DPYSL2: variants seen among roughly 807,000 people sequenced by gnomAD.
DPYSL2 encodes dihydropyrimidinase-related protein 2.
DPYSL2 carries 13 observed loss-of-function variants against 69.9 expected under a neutral mutation model. The observed-to-expected ratio is 0.19, with a 90% CI of 0.12 to 0.30. DPYSL2 has a LOEUF of 0.30. Ranked by LOEUF, DPYSL2 falls within the 10% of genes least tolerant of loss-of-function variation. The probability of loss-of-function intolerance (pLI) is 1.00; values close to 1 mark genes in which losing one functional copy is unlikely to be tolerated. For missense variants in DPYSL2, 587 were observed against 918.9 expected (o/e 0.64, Z 4.67); for synonymous variants, 326 against 359.1 (o/e 0.91, Z 1.04).
intron 1 of DPYSL2, among the ~76,000 whole-genome samples, chr8:26,543,551 G>T (rs80059268): frequency 0.028 from 4,235 of 151,916 alleles, 205 homozygotes; most frequent in African/African-American, 0.095. Flanking sequence ...GCAATGGCAG[G>T]ACCTTGGCTC....
At chr8:26,639,341 G>C (rs925014289) in intron 8 of DPYSL2, among the ~76,000 whole-genome samples, 1 of 152,242 alleles carries the variant, frequency 6.6e-6, no homozygotes, top group Admixed American at 6.5e-5. Flanking sequence ...GAAATCTGCA[G>C]ATCAGGCCAC....
rs532041413 is a variant in DPYSL2, at chr8:26,650,627, C to T, written c.1597-1630C>T. On this transcript the variant is annotated intron_variant, in intron 11 of 13. Transcript: ENST00000521913. This position sits in a 1 kb window ranked among gnomAD's most constrained non-coding sequence, Gnocchi z 5.3. ...AGATATTCCATTAGGTTATGTACCA[C>T]GATGAAAGAAAACATGCCCAAGACG... 6.6e-6 allele frequency among the ~76,000 whole-genome samples: 1 copy of T among 152,286 alleles called. No individual in the cohort carries two copies. The highest frequency in any genetic ancestry group is 1.9e-4 in the East Asian group (1 of 5,168).
chr8:26,594,859 C>T (rs900629014), intron 3 of DPYSL2, among the ~76,000 whole-genome samples: 1 of 152,200 alleles, frequency 6.6e-6, no homozygotes, highest in Middle Eastern at 3.4e-3. Flanking sequence ...GCGTTTTGAA[C>T]ATAGCAGGAA....
In DPYSL2 at chr8:26,652,395, T is replaced by C; in HGVS notation, c.1735T>C (p.Phe579Leu). 6.2e-7 allele frequency: 1 copy of C among 1,614,124 alleles called. No individual in the cohort carries two copies. Among genetic ancestry groups the C allele is most frequent in the Non-Finnish European group, 8.5e-7 (1 of 1,179,974 alleles). The part of the protein sequence containing the change: ...GSGRYIPRKP[F>L]PDFVYKRIKA... Reference sequence around the variant, plus strand: ...TGGACGCTACATTCCCCGGAAGCCCTTCCCTGATTTTGTTTACAAGCGTAT... The same window carrying C: ...TGGACGCTACATTCCCCGGAAGCCCCTCCCTGATTTTGTTTACAAGCGTAT... Residue 579 changes from phenylalanine (F) to leucine (L), a missense_variant, in exon 12 of 14, where the codon TTC (phenylalanine) becomes CTC (leucine). This residue lies in a region of DPYSL2 where 452 missense variants were observed against 754.3 expected (regional missense o/e 0.60). Transcript: ENST00000521913. The surrounding 1 kb of genome is among the most constrained non-coding windows in gnomAD (Gnocchi z 6.3).
intron 1 of DPYSL2, among the ~76,000 whole-genome samples, chr8:26,569,934 G>A (rs1585514943): frequency 6.6e-6 from 1 of 152,300 alleles, no homozygotes; most frequent in Admixed American, 6.5e-5. Context: ...GTCGGGCGCG[G>A]TGGCTCACAC....
intron 10 of DPYSL2, among the ~76,000 whole-genome samples, chr8:26,646,907 T>C (rs1044576768): frequency 1.3e-5 from 2 of 151,844 alleles, no homozygotes; most frequent in African/African-American, 2.4e-5. Context: ...TGCTTGAGCC[T>C]GAGAGGCCGA....
intron 1 of DPYSL2, among the ~76,000 whole-genome samples, chr8:26,542,458 G>C (rs529896164): frequency 2.0e-5 from 3 of 151,208 alleles, no homozygotes; most frequent in Admixed American, 6.6e-5. Flanking sequence ...GTCTTGCTCT[G>C]TTGCCCAGGC....
Position 26,624,428 on chromosome 8 carries a change from G to T in DPYSL2, c.793+121G>T. On this transcript the variant is annotated intron_variant, in intron 4 of 13. Transcript: ENST00000521913. The surrounding 1 kb of genome is among the most constrained non-coding windows in gnomAD (Gnocchi z 4.7). ...CCATTTGTGCCTCATGCCCATGCCT[G>T]CCCCTGGGAAGGAGAGAGGGCTTTG... 1 of 1,299,762 alleles carries T rather than the reference G, an allele frequency of 7.7e-7. No individual in the cohort carries two copies. Among genetic ancestry groups the T allele is most frequent in the South Asian group, 1.4e-5 (1 of 71,696 alleles). 80.5% of individuals were successfully genotyped at this position (1,299,762 alleles called of 1,614,324 possible). A position where few individuals can be genotyped will look rare whatever the true frequency, so the allele number is the denominator to read the frequency against.
At position 26,652,057 on chromosome 8, in the gene DPYSL2, G is replaced by A. The variant is rs1471671597; in HGVS notation, c.1597-200G>A. 6.6e-6 allele frequency among the ~76,000 whole-genome samples: 1 copy of A among 152,148 alleles called. No homozygotes were observed. The highest frequency in any genetic ancestry group is 1.5e-5 in the Non-Finnish European group (1 of 68,034). ...ATTATTTTTCTTTCTAATGTGGAGA[G>A]GTAGAAAAAGTTATTTCATATTCTA... On this transcript the variant is annotated intron_variant, in intron 11 of 13. Transcript: ENST00000521913. This position sits in a 1 kb window ranked among gnomAD's most constrained non-coding sequence, Gnocchi z 6.3.
At chr8:26,570,002 G>A (rs1177013187) in intron 1 of DPYSL2, among the ~76,000 whole-genome samples, 1 of 151,968 alleles carries the variant, frequency 6.6e-6, no homozygotes, top group Non-Finnish European at 1.5e-5. Context: ...GACCAACATG[G>A]GTAACATAGT....
chr8:26,538,307 G>T (rs1269424443), intron 1 of DPYSL2, among the ~76,000 whole-genome samples: 2 of 152,176 alleles, frequency 1.3e-5, no homozygotes, highest in African/African-American at 4.8e-5. Flanking sequence ...ATAGTTATGG[G>T]AGAGCTCTGG....
chr8:26,628,060 C>T (rs1387340026), intron 7 of DPYSL2, 120 bp downstream of exon 7: 1 of 1,019,972 alleles, frequency 9.8e-7, no homozygotes, highest in Non-Finnish European at 1.5e-6. Context: ...TGTGGTCTTT[C>T]TGAGAAGCTG....
At chr8:26,612,704 A>C (rs1802259522) in intron 3 of DPYSL2, among the ~76,000 whole-genome samples, 1 of 152,196 alleles carries the variant, frequency 6.6e-6, no homozygotes, top group African/African-American at 2.4e-5. Context: ...GTAGTTACTC[A>C]CTTAAGTTAC....
intron 1 of DPYSL2, among the ~76,000 whole-genome samples, chr8:26,530,784 C>A (rs10109417): frequency 1.3e-5 from 2 of 152,070 alleles, no homozygotes; most frequent in Admixed American, 1.3e-4. Flanking sequence ...TTATGGTATA[C>A]CAGATGGTGG....
chr8:26,602,582 T>C (rs558257269), intron 3 of DPYSL2, among the ~76,000 whole-genome samples: 35 of 152,328 alleles, frequency 2.3e-4, no homozygotes, highest in African/African-American at 8.4e-4. Context: ...TTAAACAAAG[T>C]GAATTAGTGT....
At chr8:26,608,427 C>T (rs1208612246) in intron 3 of DPYSL2, among the ~76,000 whole-genome samples, 1 of 152,076 alleles carries the variant, frequency 6.6e-6, no homozygotes, top group East Asian at 1.9e-4. Context: ...TTATAAAAAA[C>T]AAAAGTTCCC....
At chr8:26,556,316 A>ATAGT (rs1394496164) in intron 1 of DPYSL2, among the ~76,000 whole-genome samples, 1 of 24,460 alleles carries the variant, frequency 4.1e-5, no homozygotes, top group African/African-American at 1.3e-4. Flanking sequence ...GTATATATAT[A>ATAGT]CTATATATAT....
rs971688706 is a variant in DPYSL2, at chr8:26,645,137, T to A, written c.1425+1046T>A. 5.3e-5 allele frequency among the ~76,000 whole-genome samples: 8 copies of A among 152,234 alleles called. No individual in the cohort carries two copies. In the South Asian group the frequency reaches 1.5e-3, roughly 28 times the overall value. On this transcript the variant is annotated intron_variant, in intron 10 of 13. Coordinates refer to ENST00000521913, the MANE Select transcript of DPYSL2 (RefSeq NM_001197293.3). ...ACAGCTGGGCCCACTCCCAGGTTCA[T>A]GCCTATAATCCCAGCATTTTGGGAG... is the stretch of plus-strand genomic sequence containing the variant.
In DPYSL2 at chr8:26,529,832, C is replaced by T. The variant is rs759809274; in HGVS notation, c.354+15153C>T. On this transcript the variant is annotated intron_variant, in intron 1 of 13. Transcript: ENST00000521913. Reference sequence around the variant, plus strand: ...TGGCTGGAAAAGAATTAACTGGGGCCGGGCACGGTGGCTCACACCTGTAAT... The same window carrying T: ...TGGCTGGAAAAGAATTAACTGGGGCTGGGCACGGTGGCTCACACCTGTAAT... Among the ~76,000 whole-genome samples, 35 of 150,024 alleles carry T rather than the reference C, an allele frequency of 2.3e-4. 1 individual carries two copies. The highest frequency in any genetic ancestry group is 4.7e-4 in the Non-Finnish European group (32 of 67,690).
Sources: gnomAD v4.1 joint callset for allele counts (sites outside exome capture counted in the v4.1 genomes callset) on GRCh38, gnomAD v4.1.1 for gene constraint, gnomAD v4.1.1 regional missense constraint, Gnocchi (gnomAD v3.1) non-coding constraint, MANE v1.5 for transcripts, NCBI Gene and HGNC (gene_info 2026-07-23, HGNC 2026-07-21) for gene names.